Variants in BORCS5 observed in about 807,000 individuals in gnomAD.
The protein encoded by BORCS5 is BLOC-1 related complex subunit 5.
In BORCS5, 17 loss-of-function variants were observed where a neutral mutation model predicts 22.1. The ratio of observed to expected loss-of-function variants is 0.77; its 90% confidence interval spans 0.53 to 1.15. The LOEUF is 1.15. Among genes scored for constraint, BORCS5 ranks in the 50% most tolerant of loss-of-function variants. The pLI, the probability that BORCS5 is intolerant of heterozygous loss-of-function variation, is 0.00. For missense variants in BORCS5, 247 were observed against 253.2 expected, an observed-to-expected ratio of 0.98 and a Z score of 0.17; for synonymous variants, 117 against 99.8, an observed-to-expected ratio of 1.17 and a Z score of -1.03.
At position 12,357,721 on chromosome 12, in the gene BORCS5, A is replaced by G. The variant is rs1418174654; in HGVS notation, c.58+212A>G. Among the ~76,000 whole-genome samples the G allele has an allele frequency of 2.6e-5, 4 of 152,092 alleles. No individual in the cohort carries two copies. The East Asian group carries it at 7.7e-4, about 29-fold the overall frequency. ...TGCAAGCTAAGCCAGCGTGGGCGCC[A>G]GTGCCCTTATTTATTTTCAAAACAG... is the stretch of plus-strand genomic sequence containing the variant. On this transcript the variant is annotated intron_variant, in intron 1 of 3. Coordinates refer to ENST00000314565, the MANE Select transcript of BORCS5 (RefSeq NM_058169.6).
chr12:12,396,154 A>G (rs1474200141), intron 2 of BORCS5, among the ~76,000 whole-genome samples: 1 of 151,836 alleles, frequency 6.6e-6, no homozygotes, highest in African/African-American at 2.4e-5. Context: ...CGCCCAGCTA[A>G]TTTTTGTATT....
intron 3 of BORCS5, among the ~76,000 whole-genome samples, chr12:12,438,379 AACG>A (rs1392895951): frequency 1.5e-4 from 18 of 121,516 alleles, no homozygotes; most frequent in African/African-American, 6.5e-4. Flanking sequence ...AAAAAAAAAA[AACG>A]AAAAACAACA....
At position 12,413,371 on chromosome 12, in the gene BORCS5, A is replaced by G. The variant is rs961995221; in HGVS notation, c.203-22257A>G. Among the ~76,000 whole-genome samples the G allele has an allele frequency of 1.6e-4, 22 of 141,646 alleles. 1 individual carries two copies. Among genetic ancestry groups the G allele is most frequent in the Non-Finnish European group, 2.9e-4 (19 of 65,184 alleles). The allele number at this position is 141,646 out of a possible 152,430, so 92.9% of individuals were successfully genotyped here. ...ATTTAACCCTGAGTGGACACAGCAC[A>G]TGTTTCAGAGAGCACAGGGTTGGGG... On this transcript the variant is annotated intron_variant, in intron 2 of 3. Transcript: ENST00000314565.
At chr12:12,418,773 C>T (rs955889892) in intron 2 of BORCS5, among the ~76,000 whole-genome samples, 6 of 152,122 alleles carry the variant, frequency 3.9e-5, no homozygotes, top group Non-Finnish European at 7.4e-5. Context: ...AATTGAGTCT[C>T]TAGTAGACAA....
intron 3 of BORCS5, among the ~76,000 whole-genome samples, chr12:12,453,208 AAT>A (rs1219625701): frequency 1.3e-5 from 2 of 152,200 alleles, no homozygotes; most frequent in African/African-American, 4.8e-5. Context: ...GTGTGCTGTA[AAT>A]ATATAGTTTT....
At chr12:12,386,004 G>GTT (rs560241187) in intron 2 of BORCS5, among the ~76,000 whole-genome samples, 4 of 141,956 alleles carry the variant, frequency 2.8e-5, no homozygotes, top group Non-Finnish European at 4.7e-5. Flanking sequence ...TGTCCATGTG[G>GTT]TTTTTTTTTT....
chr12:12,429,215 C>G lies in BORCS5; in HGVS notation c.203-6413C>G, dbSNP rs142698487. On this transcript the variant is annotated intron_variant, in intron 2 of 3. Transcript: ENST00000314565. ...CTAAAAATGACAAAATTTACCGTCT[C>G]TAAATTTGCCCAGCTTTCTGTCCTT... is the stretch of plus-strand genomic sequence containing the variant. Among the ~76,000 whole-genome samples the G allele has an allele frequency of 6.9e-3, 1,046 of 152,330 alleles. 16 individuals carry two copies. Among genetic ancestry groups the G allele is most frequent in the African/African-American group, 0.024 (979 of 41,576 alleles).
At chr12:12,391,860 C>T (rs1312125795) in intron 2 of BORCS5, among the ~76,000 whole-genome samples, 3 of 107,296 alleles carry the variant, frequency 2.8e-5, no homozygotes, top group Non-Finnish European at 3.9e-5. Flanking sequence ...GGTGAAACCC[C>T]GTCACTAAAA....
intron 3 of BORCS5, among the ~76,000 whole-genome samples, chr12:12,445,726 T>G (rs1390862815): frequency 6.6e-6 from 1 of 151,520 alleles, no homozygotes; most frequent in East Asian, 1.9e-4. Flanking sequence ...CTCAAACTCC[T>G]AGGCTCAAGT....
chr12:12,391,879 A>AC (rs1941196557), intron 2 of BORCS5, among the ~76,000 whole-genome samples: 1 of 123,796 alleles, frequency 8.1e-6, no homozygotes. Flanking sequence ...AAAAAAAAAA[A>AC]AAAAAAACGC....
chr12:12,426,229 G>A (rs962142701), intron 2 of BORCS5, among the ~76,000 whole-genome samples: 2 of 152,194 alleles, frequency 1.3e-5, no homozygotes, highest in Non-Finnish European at 2.9e-5. Flanking sequence ...GGGCAGATGA[G>A]CAGTTGAACA....
At chr12:12,407,588 G>A (rs574311547) in intron 2 of BORCS5, among the ~76,000 whole-genome samples, 15 of 151,894 alleles carry the variant, frequency 9.9e-5, no homozygotes, top group South Asian at 6.2e-4. Flanking sequence ...TTCCATCTCC[G>A]GAACTTCTCC....
At chr12:12,364,675 C>T (rs544047425) in intron 2 of BORCS5, among the ~76,000 whole-genome samples, 25 of 152,228 alleles carry the variant, frequency 1.6e-4, no homozygotes, top group Middle Eastern at 3.4e-3. Context: ...GATTTGAAGT[C>T]ATCACTGAGG....
intron 2 of BORCS5, among the ~76,000 whole-genome samples, chr12:12,419,187 C>T (rs1173745927): frequency 6.6e-6 from 1 of 152,178 alleles, no homozygotes; most frequent in East Asian, 1.9e-4. Context: ...AATGCTATCC[C>T]TCCGCCAGCT....
intron 2 of BORCS5, among the ~76,000 whole-genome samples, chr12:12,413,010 A>G (rs1295858693): frequency 2.1e-5 from 3 of 140,460 alleles, no homozygotes; most frequent in African/African-American, 5.4e-5. Context: ...CAGATAAACA[A>G]GTGAACAAAG....
intron 2 of BORCS5, among the ~76,000 whole-genome samples, chr12:12,417,814 A>G (rs573433103): frequency 4.6e-4 from 70 of 151,672 alleles, no homozygotes; most frequent in African/African-American, 1.6e-3. Flanking sequence ...GTTAATTTTT[A>G]TATTTTTAGT....
intron 2 of BORCS5, among the ~76,000 whole-genome samples, chr12:12,374,815 G>T (rs184555748): frequency 6.6e-6 from 1 of 151,672 alleles, no homozygotes; most frequent in African/African-American, 2.4e-5. Flanking sequence ...AAAATTAACC[G>T]GGCGTGGTGG....
chr12:12,405,006 A>G (rs1447434794), intron 2 of BORCS5, among the ~76,000 whole-genome samples: 1 of 152,158 alleles, frequency 6.6e-6, no homozygotes, highest in Non-Finnish European at 1.5e-5. Context: ...CGGCCAGAGA[A>G]CTACTTTGTG....
In BORCS5 at chr12:12,417,166, T is replaced by C. The variant is rs61082937; in HGVS notation, c.203-18462T>C. Among the ~76,000 whole-genome samples the C allele has an allele frequency of 3.8e-3, 464 of 123,318 alleles. 5 individuals carry two copies. The highest frequency in any genetic ancestry group is 0.014 in the African/African-American group (399 of 28,028). 80.9% of individuals were successfully genotyped at this position (123,318 alleles called of 152,430 possible). A position where few individuals can be genotyped will look rare whatever the true frequency, so the allele number is the denominator to read the frequency against. Reference sequence around the variant, plus strand: ...CATAAGTTTTGGTATATTGTGTTTTTGTTTTAATTCACCTTTAGGTTTTTT... The same window carrying C: ...CATAAGTTTTGGTATATTGTGTTTTCGTTTTAATTCACCTTTAGGTTTTTT... On this transcript the variant is annotated intron_variant, in intron 2 of 3. Coordinates refer to ENST00000314565, the MANE Select transcript of BORCS5 (RefSeq NM_058169.6).
Sources: gnomAD v4.1 joint callset for allele counts (sites outside exome capture counted in the v4.1 genomes callset) on GRCh38, gnomAD v4.1.1 for gene constraint, MANE v1.5 for transcripts, NCBI Gene and HGNC (gene_info 2026-07-23, HGNC 2026-07-21) for gene names.